PDS5A: variants seen among roughly 807,000 people sequenced by gnomAD.
PDS5A encodes the protein PDS5 cohesin associated factor A, also known as sister chromatid cohesion protein PDS5 homolog A.
In PDS5A, 42 loss-of-function variants were observed where a neutral mutation model predicts 167.1. The ratio of observed to expected loss-of-function variants is 0.25; its 90% confidence interval spans 0.20 to 0.33. The LOEUF (loss-of-function observed/expected upper bound fraction) is 0.33, where lower values mean the gene tolerates loss of function less well. Among genes scored for constraint, PDS5A ranks in the 10% least tolerant of loss-of-function variants. The pLI, the probability that PDS5A is intolerant of heterozygous loss-of-function variation, is 1.00. For synonymous variants in PDS5A, 553 were observed against 554.6 expected (o/e 1.00, Z 0.04); for missense variants, 1,033 against 1,605.9 (o/e 0.64, Z 6.10).
intron 22 of PDS5A, among the ~76,000 whole-genome samples, chr4:39,868,153 T>C (rs1719717017): frequency 6.6e-6 from 1 of 152,092 alleles, no homozygotes; most frequent in African/African-American, 2.4e-5. Context: ...GCTTTACATC[T>C]ATTAAATGTC....
chr4:39,919,278 GA>G (rs1431328925), intron 7 of PDS5A, among the ~76,000 whole-genome samples: 2 of 152,162 alleles, frequency 1.3e-5, no homozygotes, highest in Non-Finnish European at 1.5e-5. Flanking sequence ...TACGTATCAA[GA>G]AACATTTACA....
At chr4:39,915,281 C>T (rs963714445) in intron 8 of PDS5A, among the ~76,000 whole-genome samples, 5 of 151,616 alleles carry the variant, frequency 3.3e-5, no homozygotes, top group African/African-American at 1.2e-4. Context: ...TCAGGCAAGC[C>T]TCCTACCTCA....
chr4:39,929,317 A>G (rs1725746959), intron 2 of PDS5A, among the ~76,000 whole-genome samples: 1 of 151,654 alleles, frequency 6.6e-6, no homozygotes, highest in Non-Finnish European at 1.5e-5. Context: ...ATCAGCTTCC[A>G]TCGAATATAA....
At position 39,963,612 on chromosome 4, in the gene PDS5A, G is replaced by A. The variant is rs569512580; in HGVS notation, c.138+12828C>T. On this transcript the variant is annotated intron_variant, in intron 2 of 32. Coordinates refer to ENST00000303538, the MANE Select transcript of PDS5A (RefSeq NM_001100399.2). ...TATAATCCCAACACTTTGGGAGGTT[G>A]AGGTGGGTAGAATGCTTGAGCCCAG... Among the ~76,000 whole-genome samples, 39 of 152,312 alleles carry A rather than the reference G, an allele frequency of 2.6e-4. 1 individual carries two copies. Among genetic ancestry groups the A allele is most frequent in the Admixed American group, 9.8e-4 (15 of 15,276 alleles).
intron 26 of PDS5A, among the ~76,000 whole-genome samples, chr4:39,850,958 G>C (rs1718072461): frequency 1.3e-5 from 2 of 152,198 alleles, no homozygotes; most frequent in Admixed American, 1.3e-4. Flanking sequence ...CTCTGTAAAA[G>C]CTTCTTTTCC....
chr4:39,972,119 T>C (rs917356928), intron 2 of PDS5A, among the ~76,000 whole-genome samples: 5 of 152,212 alleles, frequency 3.3e-5, no homozygotes, highest in African/African-American at 1.2e-4. Context: ...CATTCTCCAC[T>C]GGATTGTATG....
chr4:39,894,399 C>T (rs758741589), intron 16 of PDS5A, among the ~76,000 whole-genome samples: 9 of 149,830 alleles, frequency 6.0e-5, no homozygotes, highest in Non-Finnish European at 1.3e-4. Context: ...CAGAGCAAGA[C>T]CCTATCTCAA....
At chr4:39,926,352 C>G (rs1434709369) in intron 4 of PDS5A, among the ~76,000 whole-genome samples, 1 of 152,006 alleles carries the variant, frequency 6.6e-6, no homozygotes, top group Non-Finnish European at 1.5e-5. Context: ...AACCCCGTCT[C>G]TACTAAAAAT....
At chr4:39,974,259 T>C in intron 2 of PDS5A, 1 of 550,944 alleles carries the variant, frequency 1.8e-6, no homozygotes. Context: ...GCTGCTCCTA[T>C]ACCACCACTT....
intron 23 of PDS5A, among the ~76,000 whole-genome samples, chr4:39,864,219 A>C (rs1719237887): frequency 6.6e-6 from 1 of 152,214 alleles, no homozygotes; most frequent in African/African-American, 2.4e-5. Flanking sequence ...TCATCATTTA[A>C]AATCTATTTC....
intron 2 of PDS5A, among the ~76,000 whole-genome samples, chr4:39,963,642 G>T (rs1190238680): frequency 6.6e-6 from 1 of 151,996 alleles, no homozygotes; most frequent in African/African-American, 2.4e-5. Context: ...GCCCAGACTG[G>T]GAAACATGGC....
Position 39,925,867 on chromosome 4 carries a change from G to T in PDS5A, c.496C>A (p.Gln166Lys). Residue 166 changes from glutamine to lysine, a missense_variant, in exon 5 of 33, where the codon CAG becomes AAG. Gln to Lys is a moderately conservative substitution (Grantham distance 53). This residue lies in a region of PDS5A where 388 missense variants were observed against 615.1 expected (regional missense o/e 0.63). Coordinates refer to ENST00000303538, the MANE Select transcript of PDS5A (RefSeq NM_001100399.2). ...ELEDCNEIFI[Q>K]LFRTLFSVIN... ...ACTGAGAAGAGAGTTCTAAAAAGCT[G>T]AATAAAAATTTCATTGCAATCTTCC... 2.0e-6 allele frequency: 3 copies of T among 1,502,120 alleles called. No homozygotes were observed. The highest frequency in any genetic ancestry group is 1.2e-5 in the South Asian group (1 of 80,032). The allele number at this position is 1,502,120 out of a possible 1,614,324, so 93.0% of individuals were successfully genotyped here. A position where few individuals can be genotyped will look rare whatever the true frequency, so the allele number is the denominator to read the frequency against.
intron 8 of PDS5A, among the ~76,000 whole-genome samples, chr4:39,915,575 G>C (rs1399604438): frequency 6.6e-6 from 1 of 151,908 alleles, no homozygotes; most frequent in East Asian, 1.9e-4. Context: ...GCCCAAGCTG[G>C]TCTCAAACTC....
chr4:39,859,052 A>C (rs1393928468), intron 26 of PDS5A, among the ~76,000 whole-genome samples: 2 of 152,186 alleles, frequency 1.3e-5, no homozygotes, highest in African/African-American at 4.8e-5. Context: ...ATAAGAGATA[A>C]ATACCCAAAT....
intron 2 of PDS5A, among the ~76,000 whole-genome samples, chr4:39,969,021 C>T (rs148349947): frequency 0.045 from 6,861 of 152,252 alleles, 177 homozygotes; most frequent in Middle Eastern, 0.058. Context: ...GTGATCCGCC[C>T]GCCTAGGCAT....
chr4:39,879,279 T>G (rs1720741689), intron 18 of PDS5A, among the ~76,000 whole-genome samples: 1 of 152,100 alleles, frequency 6.6e-6, no homozygotes, highest in South Asian at 2.1e-4. Flanking sequence ...CACTCGACAA[T>G]CTGGAACCAA....
chr4:39,972,650 C>G (rs1455498985), intron 2 of PDS5A, among the ~76,000 whole-genome samples: 1 of 151,314 alleles, frequency 6.6e-6, no homozygotes, highest in African/African-American at 2.4e-5. Context: ...CAGGCATGAG[C>G]CCCTGTACCC....
intron 19 of PDS5A, among the ~76,000 whole-genome samples, chr4:39,875,383 CG>C (rs1720377992): frequency 1.3e-5 from 2 of 151,844 alleles, no homozygotes; most frequent in African/African-American, 4.8e-5. Context: ...CTACAATGAA[CG>C]TAAGTATTTT....
At chr4:39,833,509 C>A (rs1003631475) in intron 32 of PDS5A, among the ~76,000 whole-genome samples, 3 of 152,092 alleles carry the variant, frequency 2.0e-5, no homozygotes, top group African/African-American at 7.2e-5. Context: ...TCACCTCAGC[C>A]TCTGAAGTAG....
Sources: gnomAD v4.1 joint callset for allele counts (sites outside exome capture counted in the v4.1 genomes callset) on GRCh38, gnomAD v4.1.1 for gene constraint, gnomAD v4.1.1 regional missense constraint, MANE v1.5 for transcripts, NCBI Gene and HGNC (gene_info 2026-07-23, HGNC 2026-07-21) for gene names.